The following KIRREL1 variants were observed in gnomAD, a reference collection of about 807,000 sequenced individuals.
KIRREL1 encodes kirre like nephrin family adhesion molecule 1, also known as kin of IRRE-like protein 1.
A neutral mutation model predicts 83.3 loss-of-function variants in KIRREL1; 25 were observed. That is an observed-to-expected ratio of 0.30 (90% CI 0.22 to 0.42). The LOEUF (loss-of-function observed/expected upper bound fraction) is 0.42. KIRREL1 is among the 10% of genes least tolerant of loss of function. The probability of loss-of-function intolerance (pLI) is 1.00; values close to 1 mark genes in which losing one functional copy is unlikely to be tolerated. For synonymous variants in KIRREL1, 388 were observed against 410.4 expected (o/e 0.95, Z 0.66); for missense variants, 812 against 1,032.3 (o/e 0.79, Z 2.92).
chr1:158,066,351 C>G (rs1054439886), intron 1 of KIRREL1, among the ~76,000 whole-genome samples: 4 of 152,328 alleles, frequency 2.6e-5, no homozygotes, highest in South Asian at 4.2e-4. Context: ...TCTTTCATAC[C>G]ATAGTGTCCT....
intron 1 of KIRREL1, among the ~76,000 whole-genome samples, chr1:158,049,782 G>A (rs984946530): frequency 3.3e-5 from 5 of 152,136 alleles, no homozygotes; most frequent in African/African-American, 1.2e-4. Flanking sequence ...ATATTTAGTG[G>A]TGCCTGCTAT....
chr1:158,060,807 G>A (rs998092499), intron 1 of KIRREL1, among the ~76,000 whole-genome samples: 1 of 152,124 alleles, frequency 6.6e-6, no homozygotes, highest in South Asian at 2.1e-4. Flanking sequence ...GTGTCCTTCC[G>A]CTCTCATCTT....
intron 1 of KIRREL1, among the ~76,000 whole-genome samples, chr1:158,042,517 C>A (rs1321711147): frequency 1.3e-5 from 2 of 152,170 alleles, no homozygotes; most frequent in Admixed American, 6.5e-5. Context: ...CCCTCCCTTG[C>A]AGAGCTATTA....
chr1:157,999,488 T>C (rs1313632921), intron 1 of KIRREL1, among the ~76,000 whole-genome samples: 1 of 152,114 alleles, frequency 6.6e-6, no homozygotes, highest in African/African-American at 2.4e-5. Context: ...AGAAGTTAAA[T>C]AAATTGCAAA....
chr1:158,000,062 A>AT lies in KIRREL1; in HGVS notation c.52+6335dup, dbSNP rs1553235268. ...CAGAACTAGAACCCAAGCAGGAAAG[A>AT]TGGGGTGGGGGCTGAGGATAATTCC... On this transcript the variant is annotated intron_variant, in intron 1 of 14. Coordinates refer to ENST00000359209, the MANE Select transcript of KIRREL1 (RefSeq NM_018240.7). 3.6e-4 allele frequency among the ~76,000 whole-genome samples: 48 copies of AT among 134,288 alleles called. No individual in the cohort carries two copies. The East Asian group carries it at 0.012, about 33-fold the overall frequency. The allele number at this position is 134,288 out of a possible 152,430, so 88.1% of individuals were successfully genotyped here.
intron 1 of KIRREL1, among the ~76,000 whole-genome samples, chr1:158,014,692 G>A (rs994956392): frequency 3.6e-5 from 5 of 139,142 alleles, no homozygotes; most frequent in Admixed American, 2.1e-4. Context: ...GGGGGGGGGG[G>A]GCGGGGGGAA....
chr1:158,056,495 G>A (rs549221102), intron 1 of KIRREL1, among the ~76,000 whole-genome samples: 1 of 152,148 alleles, frequency 6.6e-6, no homozygotes, highest in Non-Finnish European at 1.5e-5. Flanking sequence ...GGAGAGGCAG[G>A]GGTCAGGTTG....
chr1:158,010,697 A>G (rs908634647), intron 1 of KIRREL1, among the ~76,000 whole-genome samples: 1 of 152,124 alleles, frequency 6.6e-6, no homozygotes, highest in Non-Finnish European at 1.5e-5. Flanking sequence ...TTTGCCAGCA[A>G]GATCAAGGGC....
chr1:157,996,437 G>A (rs1659204499), intron 1 of KIRREL1, among the ~76,000 whole-genome samples: 2 of 152,090 alleles, frequency 1.3e-5, no homozygotes, highest in Admixed American at 1.3e-4. Context: ...GGCCGGCTCG[G>A]GGAGGGAGCT....
At chr1:158,036,043 G>A (rs1408641819) in intron 1 of KIRREL1, among the ~76,000 whole-genome samples, 5 of 152,164 alleles carry the variant, frequency 3.3e-5, no homozygotes, top group African/African-American at 1.2e-4. Context: ...AGTGTGGACA[G>A]ATACTTTTCC....
At chr1:158,007,336 C>T (rs1659546432) in intron 1 of KIRREL1, among the ~76,000 whole-genome samples, 1 of 152,034 alleles carries the variant, frequency 6.6e-6, no homozygotes, top group Non-Finnish European at 1.5e-5. Flanking sequence ...GGAACCTGGG[C>T]CCAGGTGGAA....
At chr1:158,072,699 G>A (rs1168765650) in intron 1 of KIRREL1, among the ~76,000 whole-genome samples, 2 of 152,060 alleles carry the variant, frequency 1.3e-5, no homozygotes, top group South Asian at 2.1e-4. Context: ...ACTTGGAGTC[G>A]GTCCTGGGAA....
chr1:158,012,733 G>GGCAA (rs1202255868), intron 1 of KIRREL1, among the ~76,000 whole-genome samples: 2 of 152,210 alleles, frequency 1.3e-5, no homozygotes, highest in Non-Finnish European at 2.9e-5. Context: ...AGTCTATAGG[G>GGCAA]GCAAGGGCCT....
intron 1 of KIRREL1, among the ~76,000 whole-genome samples, chr1:158,073,655 G>A (rs12033891): frequency 0.19 from 28,255 of 152,128 alleles, 2,682 homozygotes; most frequent in African/African-American, 0.19. Flanking sequence ...GGGATTTGGC[G>A]TTCCTCAGTC....
At chr1:158,021,769 G>T (rs1429199707) in intron 1 of KIRREL1, among the ~76,000 whole-genome samples, 1 of 152,054 alleles carries the variant, frequency 6.6e-6, no homozygotes, top group African/African-American at 2.4e-5. Context: ...TACAAAAGGG[G>T]TTTTTTTGGT....
chr1:158,081,927 C>T (rs915845614), intron 3 of KIRREL1, among the ~76,000 whole-genome samples: 8 of 152,156 alleles, frequency 5.3e-5, no homozygotes, highest in Non-Finnish European at 1.0e-4. Flanking sequence ...GTTGTCTGCT[C>T]GGGGCTCTGC....
chr1:158,089,826 G>T lies in KIRREL1; in HGVS notation c.1272+8G>T, dbSNP rs766001386. 1 of 1,612,968 alleles carries T rather than the reference G, an allele frequency of 6.2e-7. No individual in the cohort carries two copies. Among genetic ancestry groups the T allele is most frequent in the East Asian group, 2.2e-5 (1 of 44,860 alleles). On this transcript the variant is annotated splice_region_variant and intron_variant, in intron 10 of 14. Coordinates refer to ENST00000359209, the MANE Select transcript of KIRREL1 (RefSeq NM_018240.7). ...CCACCCCCAGACCGCATAGTGAGTG[G>T]CGGACCTGCCTGCGGACAGCCAGCC...
chr1:158,092,604 C>T (rs1417728743), intron 11 of KIRREL1, among the ~76,000 whole-genome samples: 1 of 152,148 alleles, frequency 6.6e-6, no homozygotes, highest in Non-Finnish European at 1.5e-5. Context: ...ACCTCGGCCT[C>T]CCAAAGTGCT....
intron 1 of KIRREL1, among the ~76,000 whole-genome samples, chr1:157,994,808 C>A (rs572720621): frequency 6.6e-6 from 1 of 152,256 alleles, no homozygotes; most frequent in East Asian, 1.9e-4. Flanking sequence ...ACAAACATCC[C>A]CCACACTGAG....
Sources: allele counts gnomAD v4.1 joint callset (sites outside exome capture counted in the v4.1 genomes callset), GRCh38; gene constraint gnomAD v4.1.1; transcripts MANE v1.5; gene names NCBI Gene and HGNC (gene_info 2026-07-23, HGNC 2026-07-21).